Variants in ITGB5 observed in about 807,000 individuals in gnomAD.
The protein encoded by ITGB5 is integrin beta-5.
ITGB5 carries 38 observed loss-of-function variants against 84.8 expected under a neutral mutation model. That is an observed-to-expected ratio of 0.45 (90% CI 0.35 to 0.59). The LOEUF is 0.59. ITGB5 is among the 20% of genes least tolerant of loss of function. The pLI is 0.01. For missense variants in ITGB5, 905 were observed against 1,034.5 expected (o/e 0.87, Z 1.72); for synonymous variants, 393 against 414.4 (o/e 0.95, Z 0.63).
chr3:124,824,674 T>A (rs1235951114), intron 5 of ITGB5, among the ~76,000 whole-genome samples: 1 of 152,138 alleles, frequency 6.6e-6, no homozygotes, highest in East Asian at 1.9e-4. Context: ...TAAAGAACTG[T>A]CATTAGTCAC....
Position 124,817,642 on chromosome 3 carries a change from T to C in ITGB5, c.1107A>G (p.Gln369=), listed in dbSNP as rs756646473. 3.2e-6 allele frequency: 5 copies of C among 1,571,636 alleles called. No individual in the cohort carries two copies. The highest frequency in any genetic ancestry group is 4.3e-6 in the Non-Finnish European group (5 of 1,150,554). ...ILDGDSKNII[Q]LIINAYNSIR... ...TTACATTGTATGCATTAATAATCAGTTGAATAATATTTTTGGAGTCTCCAT... is the reference window on the plus strand; with the variant it reads ...TTACATTGTATGCATTAATAATCAGCTGAATAATATTTTTGGAGTCTCCAT... The change falls in exon 8 of 15, where the codon CAA becomes CAG. Residue 369 remains glutamine (Q), a synonymous_variant. Transcript: ENST00000296181.
upstream of ITGB5, among the ~76,000 whole-genome samples, chr3:124,891,492 C>G (rs1202467946): frequency 6.8e-6 from 1 of 147,480 alleles, no homozygotes; most frequent in African/African-American, 2.5e-5. Context: ...CCGGCCTGAG[C>G]AACATAGGGA....
In ITGB5 at chr3:124,762,309, G is replaced by C. The variant is rs1396153460; in HGVS notation, c.*1314C>G. On this transcript the variant is annotated 3_prime_UTR_variant, in exon 15 of 15. Transcript: ENST00000296181. ...ATGATCAGTGAAAGATTTTCTAAGA[G>C]CAAGCAGGAATGAGGAGGCTGGCCC... 6.6e-6 allele frequency: 1 copy of C among 152,192 alleles called. No individual in the cohort carries two copies. Among genetic ancestry groups the C allele is most frequent in the Non-Finnish European group, 1.5e-5 (1 of 68,038 alleles). 9.4% of individuals were successfully genotyped at this position (152,192 alleles called of 1,614,324 possible).
intron 2 of ITGB5, among the ~76,000 whole-genome samples, chr3:124,866,695 G>A (rs549385433): frequency 6.6e-6 from 1 of 152,306 alleles, no homozygotes; most frequent in South Asian, 2.1e-4. Context: ...GACCTTTCTG[G>A]CTGGGATATG....
At position 124,849,563 on chromosome 3, in the gene ITGB5, G is replaced by A. The variant is rs181229638; in HGVS notation, c.362-1005C>T. ...ATTGGAAACTACATATATAAATACA[G>A]GAAGACAGATTCCAAATTTTAGCTC... On this transcript the variant is annotated intron_variant, in intron 3 of 14. Coordinates refer to ENST00000296181, the MANE Select transcript of ITGB5 (RefSeq NM_002213.5). Among the ~76,000 whole-genome samples the A allele has an allele frequency of 6.6e-4, 101 of 152,244 alleles. 1 individual carries two copies. Among genetic ancestry groups the A allele is most frequent in the Admixed American group, 1.9e-3 (29 of 15,290 alleles).
intron 2 of ITGB5, among the ~76,000 whole-genome samples, chr3:124,869,961 G>C (rs536430261): frequency 1.3e-5 from 2 of 152,340 alleles, no homozygotes; most frequent in East Asian, 3.9e-4. Context: ...CAGCCATTCA[G>C]GAGGCTCAGC....
At chr3:124,764,113 C>T (rs754266471) in intron 14 of ITGB5, among the ~76,000 whole-genome samples, 2 of 152,172 alleles carry the variant, frequency 1.3e-5, no homozygotes, top group Admixed American at 1.3e-4. Context: ...TTGGTCTGTG[C>T]TCTCTCTGAG....
At chr3:124,794,824 GGGAGAAGGGA>G (rs2064198488) in intron 10 of ITGB5, among the ~76,000 whole-genome samples, 1 of 151,296 alleles carries the variant, frequency 6.6e-6, no homozygotes, top group Admixed American at 6.6e-5. Context: ...GAGAGAGGAA[GGGAGAAGGGA>G]GGAGAAGGAG....
At chr3:124,827,912 C>T (rs1378453262) in intron 5 of ITGB5, among the ~76,000 whole-genome samples, 1 of 151,376 alleles carries the variant, frequency 6.6e-6, no homozygotes, top group Non-Finnish European at 1.5e-5. Context: ...CCCACCCCTG[C>T]CAGCCAGAGA....
rs1288195489 is a variant in ITGB5 at position 124,773,694 on chromosome 3, T to C, written c.1912A>G (p.Lys638Glu). Residue 638 changes from lysine (K) to glutamate (E), a missense_variant, in exon 11 of 15, where the codon AAG (lysine) becomes GAG (glutamate). Transcript: ENST00000296181. ...GGCTGTCAGTGGAACCAGTACCTCT[T>C]GGTGCTGCATGCATCCGGGCAGGTG... ...CPTCPDACSTKRDCVECLLLH... is the reference protein window; with the variant it reads ...CPTCPDACSTERDCVECLLLH... 1 of 1,612,056 alleles carries C rather than the reference T, an allele frequency of 6.2e-7. No individual in the cohort carries two copies.
chr3:124,876,246 A>T (rs1311133369), intron 1 of ITGB5, among the ~76,000 whole-genome samples: 1 of 152,192 alleles, frequency 6.6e-6, no homozygotes, highest in Non-Finnish European at 1.5e-5. Context: ...ATAATAAAAC[A>T]TCATATCATA....
At chr3:124,861,145 G>A (rs2065290748) in intron 2 of ITGB5, among the ~76,000 whole-genome samples, 1 of 152,032 alleles carries the variant, frequency 6.6e-6, no homozygotes, top group Admixed American at 6.5e-5. Context: ...AAAGCCAGAT[G>A]TATTGTCCTA....
At chr3:124,868,222 T>C (rs3772864) in intron 2 of ITGB5, among the ~76,000 whole-genome samples, 23,864 of 152,076 alleles carry the variant, frequency 0.16, 1,966 homozygotes, top group South Asian at 0.21. Context: ...GTCTTGGGTA[T>C]TTCCTTATAG....
In ITGB5 at chr3:124,804,386, A is replaced by C. The variant is rs1311665429; in HGVS notation, c.1263+4636T>G. 4.6e-5 allele frequency among the ~76,000 whole-genome samples: 7 copies of C among 152,074 alleles called. No individual in the cohort carries two copies. The East Asian group carries it at 1.2e-3, about 25-fold the overall frequency. On this transcript the variant is annotated intron_variant, in intron 9 of 14. Transcript: ENST00000296181. ...AAAAACAAAACAAAACAAAAAAAAC[A>C]ACCACAAAGAAATTAGCTGGGCATG...
intron 10 of ITGB5, among the ~76,000 whole-genome samples, chr3:124,785,512 G>T (rs986025720): frequency 6.6e-6 from 1 of 151,180 alleles, no homozygotes; most frequent in Non-Finnish European, 1.5e-5. Context: ...GTGAACCCGG[G>T]AGGCAGAGGT....
chr3:124,884,113 G>GT (rs1934696869), intron 1 of ITGB5, among the ~76,000 whole-genome samples: 1 of 151,158 alleles, frequency 6.6e-6, no homozygotes, highest in Non-Finnish European at 1.5e-5. Flanking sequence ...GAGTAACTAG[G>GT]TTTTTTTCTT....
intron 5 of ITGB5, among the ~76,000 whole-genome samples, chr3:124,836,647 C>T (rs2064939197): frequency 6.6e-6 from 1 of 152,080 alleles, no homozygotes; most frequent in South Asian, 2.1e-4. Context: ...ACTCAGTTTC[C>T]ACCCCTGTAA....
chr3:124,773,962 G>A (rs779003405), intron 10 of ITGB5, 50 bp from the exon 11 acceptor site: 12 of 1,525,330 alleles, frequency 7.9e-6, no homozygotes, highest in Non-Finnish European at 1.1e-5. Context: ...TTACACATGA[G>A]CACATAACCA....
chr3:124,899,551 C>A (rs1935178066), intron 1 of ITGB5, among the ~76,000 whole-genome samples: 1 of 151,958 alleles, frequency 6.6e-6, no homozygotes, highest in Non-Finnish European at 1.5e-5. Context: ...GAAGTCATAT[C>A]TGGGGTAATA....
Sources: allele counts gnomAD v4.1 joint callset (sites outside exome capture counted in the v4.1 genomes callset), GRCh38; gene constraint gnomAD v4.1.1; transcripts MANE v1.5; gene names NCBI Gene and HGNC (gene_info 2026-07-23, HGNC 2026-07-21).